The following RGMA variants were observed in gnomAD, a reference collection of about 807,000 sequenced individuals.
RGMA encodes the protein repulsive guidance molecule BMP co-receptor a.
In RGMA, 10 loss-of-function variants were observed where a neutral mutation model predicts 23.2. That is an observed-to-expected ratio of 0.43 (90% CI 0.27 to 0.73). The LOEUF is 0.73. RGMA is among the 30% of genes least tolerant of loss of function. RGMA has a pLI of 0.20. For missense variants in RGMA, 547 were observed against 630.5 expected (o/e 0.87, Z 1.42); for synonymous variants, 308 against 279.3 (o/e 1.10, Z -1.03).
chr15:93,054,562 T>C (rs1397105568), intron 2 of RGMA, among the ~76,000 whole-genome samples: 2 of 152,216 alleles, frequency 1.3e-5, no homozygotes, highest in Non-Finnish European at 2.9e-5. Context: ...CCACGTAAGA[T>C]GTGCCTTTGC....
At position 93,040,710 on chromosome 15, in the gene RGMA, C is replaced by T. The variant is rs543166668; in HGVS notation, c.*4288G>A. 4.6e-5 allele frequency: 7 copies of T among 152,456 alleles called. No individual in the cohort carries two copies. The highest frequency in any genetic ancestry group is 1.4e-4 in the African/African-American group (6 of 41,570). 9.4% of individuals were successfully genotyped at this position (152,456 alleles called of 1,614,324 possible). On this transcript the variant is annotated 3_prime_UTR_variant, in exon 4 of 4. Coordinates refer to ENST00000329082, the MANE Select transcript of RGMA (RefSeq NM_020211.3). ...TTGTCTTTCCAATAAGAATGCACAG[C>T]AGTCTGTCTGGGTCATTGCGGTAGC...
At chr15:93,056,891 C>T (rs1054153150) in intron 2 of RGMA, among the ~76,000 whole-genome samples, 67 of 152,302 alleles carry the variant, frequency 4.4e-4, no homozygotes, top group African/African-American at 1.6e-3. Context: ...AACAGGGTCC[C>T]CCACAAAGGC....
rs370491503 is a variant in RGMA, at chr15:93,061,857, A to G, written c.131-9350T>C. Among the ~76,000 whole-genome samples, 272 of 152,300 alleles carry G rather than the reference A, an allele frequency of 1.8e-3. 2 individuals are homozygous for G. Among genetic ancestry groups the G allele is most frequent in the African/African-American group, 6.1e-3 (252 of 41,554 alleles). On this transcript the variant is annotated intron_variant, in intron 2 of 3. Transcript: ENST00000329082. ...TGATTATTACCGCCCTGTTTGCATA[A>G]CAACGAAGCCCAATAAGACTTATTT...
intron 2 of RGMA, among the ~76,000 whole-genome samples, chr15:93,070,495 T>A (rs943228474): frequency 1.3e-5 from 2 of 152,250 alleles, no homozygotes; most frequent in South Asian, 2.1e-4. Context: ...CTGCAAGTTT[T>A]CTAACTTCAT....
chr15:93,048,082 A>G (rs1255876488), intron 3 of RGMA, among the ~76,000 whole-genome samples: 1 of 152,148 alleles, frequency 6.6e-6, no homozygotes, highest in African/African-American at 2.4e-5. Context: ...AGGTGCTAAG[A>G]GGCCTGAGGC....
At chr15:93,079,664 A>G (rs774881762) in intron 1 of RGMA, among the ~76,000 whole-genome samples, 10 of 152,186 alleles carry the variant, frequency 6.6e-5, no homozygotes, top group African/African-American at 9.7e-5. Context: ...TACTAAAAAT[A>G]CAATAATTAG....
intron 2 of RGMA, among the ~76,000 whole-genome samples, chr15:93,054,896 T>C (rs146233721): frequency 7.2e-5 from 11 of 152,300 alleles, no homozygotes; most frequent in Non-Finnish European, 1.5e-4. Flanking sequence ...AACCTACCTG[T>C]AGGCTTTGAA....
At chr15:93,066,323 G>A (rs1359770368) in intron 2 of RGMA, 5 of 842,094 alleles carry the variant, frequency 5.9e-6, no homozygotes, top group East Asian at 2.7e-5. Flanking sequence ...CATTCCGGAC[G>A]TTGAACCATT....
chr15:93,065,870 G>C, intron 2 of RGMA: 2 of 735,790 alleles, frequency 2.7e-6, no homozygotes, highest in Non-Finnish European at 4.9e-6. Flanking sequence ...GGCTCTTTGG[G>C]CTCTACCCCG....
At chr15:93,058,065 C>G (rs1158994392) in intron 2 of RGMA, among the ~76,000 whole-genome samples, 1 of 152,174 alleles carries the variant, frequency 6.6e-6, no homozygotes, top group Non-Finnish European at 1.5e-5. Flanking sequence ...AACTCTGGGT[C>G]CTGAAGCACA....
At position 93,037,081 on chromosome 15, in the gene RGMA, T is replaced by A. The variant is rs904068031; in HGVS notation, c.*7917A>T. 2.0e-5 allele frequency: 3 copies of A among 152,044 alleles called. No homozygotes were observed. The highest frequency in any genetic ancestry group is 7.2e-5 in the African/African-American group (3 of 41,380). The allele number at this position is 152,044 out of a possible 1,614,324, so 9.4% of individuals were successfully genotyped here. A position where few individuals can be genotyped will look rare whatever the true frequency, so the allele number is the denominator to read the frequency against. ...TGGTCAGCTTGGAGGAACGGTGCCC[T>A]CGAGGTGGTCAGTAACGGGAGGGCT... On this transcript the variant is annotated 3_prime_UTR_variant, in exon 4 of 4. Transcript: ENST00000329082. This position sits in a 1 kb window ranked among gnomAD's most constrained non-coding sequence, Gnocchi z 4.3.
intron 3 of RGMA, among the ~76,000 whole-genome samples, chr15:93,047,454 A>G (rs924543313): frequency 6.6e-6 from 1 of 152,178 alleles, no homozygotes; most frequent in Non-Finnish European, 1.5e-5. Flanking sequence ...GGTGGCACCC[A>G]GGCCTTTTGG....
At position 93,044,829 on chromosome 15, in the gene RGMA, G is replaced by A. The variant is rs2141789471; in HGVS notation, c.*169C>T. 2 of 613,680 alleles carry A rather than the reference G, an allele frequency of 3.3e-6. No homozygotes were observed. Among genetic ancestry groups the A allele is most frequent in the East Asian group, 2.8e-5 (1 of 36,326 alleles). The allele number at this position is 613,680 out of a possible 1,614,324, so 38.0% of individuals were successfully genotyped here. On this transcript the variant is annotated 3_prime_UTR_variant, in exon 4 of 4. Transcript: ENST00000329082. ...ACCAGTCACCACAACCTTGTCACGT[G>A]CACTAGAAGGGGAGGGGTCCGTGCC...
intron 2 of RGMA, among the ~76,000 whole-genome samples, chr15:93,059,917 A>C (rs1298652286): frequency 6.6e-6 from 1 of 152,240 alleles, no homozygotes; most frequent in East Asian, 1.9e-4. Flanking sequence ...AGAAGGAAGG[A>C]AAGTTTGAGC....
Position 93,037,799 on chromosome 15 carries a change from TCA to T in RGMA, c.*7197_*7198del, listed in dbSNP as rs1359555654. On this transcript the variant is annotated 3_prime_UTR_variant, in exon 4 of 4. Coordinates refer to ENST00000329082, the MANE Select transcript of RGMA (RefSeq NM_020211.3). This position sits in a 1 kb window ranked among gnomAD's most constrained non-coding sequence, Gnocchi z 4.3. Reference sequence around the variant, plus strand: ...GAGAGCTGAGGGAGCAGGTTTGAGTTCAGATGTGGAAGAATCCAAGTGCCGTC... The same window carrying T: ...GAGAGCTGAGGGAGCAGGTTTGAGTTGATGTGGAAGAATCCAAGTGCCGTC... 2 of 152,168 alleles carry T rather than the reference TCA, an allele frequency of 1.3e-5. No homozygotes were observed. Among genetic ancestry groups the T allele is most frequent in the African/African-American group, 2.4e-5 (1 of 41,412 alleles). The allele number at this position is 152,168 out of a possible 1,614,324, so 9.4% of individuals were successfully genotyped here.
At chr15:93,082,998 A>C (rs1238417021) in intron 1 of RGMA, among the ~76,000 whole-genome samples, 1 of 152,230 alleles carries the variant, frequency 6.6e-6, no homozygotes, top group African/African-American at 2.4e-5. Flanking sequence ...CTGGTCACTG[A>C]CCCAGAAAGG....
chr15:93,066,490 T>C, intron 2 of RGMA: 1 of 505,680 alleles, frequency 2.0e-6, no homozygotes, highest in Non-Finnish European at 3.7e-6. Flanking sequence ...GGGGGTCCCA[T>C]CCCAGCAGCG....
chr15:93,058,806 TGC>T (rs1315584059), intron 2 of RGMA, among the ~76,000 whole-genome samples: 4 of 152,138 alleles, frequency 2.6e-5, no homozygotes, highest in African/African-American at 9.7e-5. Flanking sequence ...ACGAAGGTGC[TGC>T]GGGGCCACAA....
chr15:93,066,030 T>C (rs1019196355), intron 2 of RGMA: 53 of 1,493,858 alleles, frequency 3.5e-5, no homozygotes, highest in Non-Finnish European at 4.8e-5. Context: ...CTGTCCCCGC[T>C]GAAGGGATCT....
Sources: allele counts gnomAD v4.1 joint callset (sites outside exome capture counted in the v4.1 genomes callset), GRCh38; gene constraint gnomAD v4.1.1; non-coding constraint Gnocchi (gnomAD v3.1); transcripts MANE v1.5; gene names NCBI Gene and HGNC (gene_info 2026-07-23, HGNC 2026-07-21).